KCTD16: variants seen among roughly 807,000 people sequenced by gnomAD.
The protein encoded by KCTD16 is BTB/POZ domain-containing protein KCTD16.
Under a neutral mutation model 33.2 loss-of-function variants are expected in KCTD16, and 13 were observed. The ratio of observed to expected loss-of-function variants is 0.39; its 90% CI spans 0.25 to 0.62. The LOEUF (loss-of-function observed/expected upper bound fraction) is 0.62, where lower values mean the gene tolerates loss of function less well. Among genes scored for constraint, KCTD16 ranks in the 20% least tolerant of loss-of-function variants. KCTD16 has a pLI of 0.50. For synonymous variants in KCTD16, 197 were observed against 195.3 expected, an observed-to-expected ratio of 1.01 and a Z score of -0.07; for missense variants, 441 against 525.1, an observed-to-expected ratio of 0.84 and a Z score of 1.57.
chr5:144,459,484 T>C (rs1754144593), intron 3 of KCTD16, among the ~76,000 whole-genome samples: 1 of 151,768 alleles, frequency 6.6e-6, no homozygotes, highest in Non-Finnish European at 1.5e-5. Flanking sequence ...CCCGAGTAGT[T>C]GGGATTACAG....
At chr5:144,315,993 T>G (rs903150853) in intron 3 of KCTD16, among the ~76,000 whole-genome samples, 5 of 151,598 alleles carry the variant, frequency 3.3e-5, no homozygotes, top group African/African-American at 1.2e-4. Context: ...TCAAAGCCTT[T>G]TTTTTTTTTT....
chr5:144,385,147 A>C (rs756814320), intron 3 of KCTD16: 4 of 152,094 alleles, frequency 2.6e-5, no homozygotes, highest in Admixed American at 1.3e-4. Flanking sequence ...AGCGAAAACT[A>C]TTTTCCTCTA....
intron 3 of KCTD16, among the ~76,000 whole-genome samples, chr5:144,229,687 T>G (rs1220343447): frequency 6.6e-6 from 1 of 152,210 alleles, no homozygotes; most frequent in East Asian, 1.9e-4. Flanking sequence ...GTAAGATTCA[T>G]CATCTCTCTT....
At chr5:144,212,292 C>T (rs1032878221) in intron 3 of KCTD16, among the ~76,000 whole-genome samples, 2 of 152,094 alleles carry the variant, frequency 1.3e-5, no homozygotes, top group Non-Finnish European at 2.9e-5. Flanking sequence ...TTTTATTATA[C>T]TGTTTTCACT....
At chr5:144,462,917 G>A (rs1246991794) in intron 3 of KCTD16, among the ~76,000 whole-genome samples, 1 of 152,162 alleles carries the variant, frequency 6.6e-6, no homozygotes, top group Non-Finnish European at 1.5e-5. Context: ...CAATCAGAGG[G>A]AATCAAGCAA....
intron 3 of KCTD16, among the ~76,000 whole-genome samples, chr5:144,270,133 C>T (rs1755253860): frequency 6.6e-6 from 1 of 151,810 alleles, no homozygotes. Context: ...GGAAATCTTT[C>T]CTTATCAGTA....
intron 3 of KCTD16, among the ~76,000 whole-genome samples, chr5:144,212,261 T>C (rs1367281843): frequency 6.6e-6 from 1 of 152,164 alleles, no homozygotes; most frequent in Non-Finnish European, 1.5e-5. Flanking sequence ...AGAACAGTGA[T>C]TTAAGCATGT....
At chr5:144,439,831 G>A (rs1039971115) in intron 3 of KCTD16, among the ~76,000 whole-genome samples, 6 of 151,602 alleles carry the variant, frequency 4.0e-5, no homozygotes, top group Admixed American at 6.6e-5. Context: ...TTTTCCTGCC[G>A]GGTGTTGTAT....
intron 3 of KCTD16, among the ~76,000 whole-genome samples, chr5:144,435,162 T>G (rs1298459684): frequency 6.6e-6 from 1 of 152,198 alleles, no homozygotes; most frequent in Non-Finnish European, 1.5e-5. Flanking sequence ...GTGGATTATA[T>G]TTTAAAAGCC....
chr5:144,238,160 C>T (rs1182926547), intron 3 of KCTD16, among the ~76,000 whole-genome samples: 2 of 151,948 alleles, frequency 1.3e-5, no homozygotes, highest in African/African-American at 4.8e-5. Context: ...GGCTATGGCT[C>T]GAGAGAAGGA....
chr5:144,396,244 C>T (rs73795533), intron 3 of KCTD16, among the ~76,000 whole-genome samples: 2,078 of 152,234 alleles, frequency 0.014, 42 homozygotes, highest in African/African-American at 0.047. Context: ...GGCGGCCAAA[C>T]GGCAGCAGCT....
intron 3 of KCTD16, among the ~76,000 whole-genome samples, chr5:144,435,242 G>A (rs983324002): frequency 6.6e-6 from 1 of 152,160 alleles, no homozygotes. Flanking sequence ...TTACCTGTCT[G>A]TAAATTGCTT....
At chr5:144,219,582 G>A (rs1052649042) in intron 3 of KCTD16, among the ~76,000 whole-genome samples, 25 of 142,334 alleles carry the variant, frequency 1.8e-4, no homozygotes, top group African/African-American at 6.2e-4. Flanking sequence ...GTGCAATGGC[G>A]CGATCTCGGC....
rs998839781 is a variant in KCTD16, at chr5:144,482,677, G to A, written c.*8563G>A. ...GAAAAGAAACTTCACCGAAATACGT[G>A]CATGCATGTGTGAGTGTGTGTGTGT... On this transcript the variant is annotated 3_prime_UTR_variant, in exon 4 of 4. Transcript: ENST00000512467. 1 of 151,700 alleles carries A rather than the reference G, an allele frequency of 6.6e-6. No homozygotes were observed. Among genetic ancestry groups the A allele is most frequent in the African/African-American group, 2.4e-5 (1 of 41,312 alleles). The allele number at this position is 151,700 out of a possible 1,614,324, so 9.4% of individuals were successfully genotyped here.
intron 2 of KCTD16, among the ~76,000 whole-genome samples, chr5:144,200,457 G>A (rs949655889): frequency 6.6e-6 from 1 of 152,176 alleles, no homozygotes; most frequent in African/African-American, 2.4e-5. Flanking sequence ...CAGGCTTTAC[G>A]TTAACAAGAA....
intron 1 of KCTD16, 80 bp from the exon 2 acceptor site, chr5:144,174,227 C>T (rs760651597): frequency 3.3e-5 from 5 of 152,144 alleles, no homozygotes; most frequent in African/African-American, 9.7e-5. Flanking sequence ...CACAAACACA[C>T]GCAAAACAAC....
intron 3 of KCTD16, among the ~76,000 whole-genome samples, chr5:144,227,337 G>A (rs1753964553): frequency 6.6e-6 from 1 of 152,148 alleles, no homozygotes; most frequent in Non-Finnish European, 1.5e-5. Flanking sequence ...CACATATCAA[G>A]GTCCTGAGGT....
chr5:144,368,406 T>G (rs754383575), intron 3 of KCTD16, among the ~76,000 whole-genome samples: 1 of 152,044 alleles, frequency 6.6e-6, no homozygotes, highest in Non-Finnish European at 1.5e-5. Flanking sequence ...CATTGCTGGT[T>G]TCAGGATGGA....
rs75799042 is a variant in KCTD16 at position 144,483,347 on chromosome 5, A to G, written c.*9233A>G. 236 of 151,944 alleles carry G rather than the reference A, an allele frequency of 1.6e-3. 2 individuals carry two copies. The highest frequency in any genetic ancestry group is 5.4e-3 in the African/African-American group (225 of 41,498). 9.4% of individuals were successfully genotyped at this position (151,944 alleles called of 1,614,324 possible). A position where few individuals can be genotyped will look rare whatever the true frequency, so the allele number is the denominator to read the frequency against. ...CTGATGAGGGTTCCTGTGTCCCTAC[A>G]TGATTTATCGGTGGAGCTAATTATC... On this transcript the variant is annotated 3_prime_UTR_variant, in exon 4 of 4. Coordinates refer to ENST00000512467, the MANE Select transcript of KCTD16 (RefSeq NM_020768.4).
Sources: gnomAD v4.1 joint callset for allele counts (sites outside exome capture counted in the v4.1 genomes callset) on GRCh38, gnomAD v4.1.1 for gene constraint, MANE v1.5 for transcripts, NCBI Gene and HGNC (gene_info 2026-07-23, HGNC 2026-07-21) for gene names.